Variants in GJB6 observed in about 807,000 individuals in gnomAD.
GJB6 encodes gap junction beta-6 protein.
A neutral mutation model predicts 5.4 loss-of-function variants in GJB6; 5 were observed. That is an observed-to-expected ratio of 0.92 (90% confidence interval 0.48 to 1.93). GJB6 has a LOEUF of 1.93. Ranked by LOEUF, GJB6 falls within the 30% of genes most tolerant of loss-of-function variation. The probability of loss-of-function intolerance (pLI) is 0.01; values close to 1 mark genes in which losing one functional copy is unlikely to be tolerated. For missense variants in GJB6, 298 were observed against 326.9 expected (o/e 0.91, Z 0.68); for synonymous variants, 136 against 129.6 (o/e 1.05, Z -0.34).
intron 4 of GJB6, 52 bp from the exon 5 acceptor site, chr13:20,223,547 A>G: frequency 7.1e-7 from 1 of 1,400,706 alleles, no homozygotes; most frequent in Non-Finnish European, 1.0e-6. Flanking sequence ...GCCTTGGGAA[A>G]GTGACACGGT....
chr13:20,227,205 C>T (rs921261085), intron 4 of GJB6, among the ~76,000 whole-genome samples: 1 of 152,030 alleles, frequency 6.6e-6, no homozygotes, highest in Non-Finnish European at 1.5e-5. Context: ...TTTTCTGGGT[C>T]CCCAAGCCAC....
In GJB6 at chr13:20,223,431, G is replaced by A; in HGVS notation, c.50C>T (p.Ser17Phe). 1.2e-6 allele frequency: 2 copies of A among 1,614,126 alleles called. No individual in the cohort carries two copies. Among genetic ancestry groups the A allele is most frequent in the South Asian group, 1.1e-5 (1 of 91,080 alleles). ...GATCCACACCTTCCCGATGCTGGTG[G>A]AGTGTTTGTTGACACCCCCGATGAA... ...HTFIGGVNKH[S>F]TSIGKVWITV... Residue 17 changes from serine (S) to phenylalanine (F), a missense_variant, in exon 5 of 5, where the codon TCC becomes TTC. Transcript: ENST00000647029.
At chr13:20,228,790 A>G (rs1869832052) in intron 4 of GJB6, among the ~76,000 whole-genome samples, 2 of 152,044 alleles carry the variant, frequency 1.3e-5, no homozygotes, top group African/African-American at 2.4e-5. Flanking sequence ...GGCCCATGCT[A>G]TATTCTTGAT....
chr13:20,224,705 T>C (rs1048890258), intron 4 of GJB6, among the ~76,000 whole-genome samples: 1 of 152,336 alleles, frequency 6.6e-6, no homozygotes, highest in African/African-American at 2.4e-5. Flanking sequence ...AGCATTCTCC[T>C]TTGAAAAATA....
intron 4 of GJB6, 41 bp from the exon 5 acceptor site, chr13:20,223,536 G>A (rs1438509997): frequency 4.0e-6 from 6 of 1,495,432 alleles, no homozygotes; most frequent in Admixed American, 1.7e-5. Flanking sequence ...TAGTGGAAGA[G>A]GCCTTGGGAA....
At chr13:20,231,852 G>C (rs768729571) in intron 1 of GJB6, among the ~76,000 whole-genome samples, 25 of 152,240 alleles carry the variant, frequency 1.6e-4, no homozygotes, top group Non-Finnish European at 3.1e-4. Flanking sequence ...GACCACGCTG[G>C]GGTAAAAGTC....
At chr13:20,229,314 A>ATT (rs1566542797) in intron 4 of GJB6, among the ~76,000 whole-genome samples, 3 of 87,336 alleles carry the variant, frequency 3.4e-5, no homozygotes, top group Non-Finnish European at 2.2e-5. Context: ...ATACCTGGTT[A>ATT]ATTTTTTTTT....
At chr13:20,230,331 AT>A (rs1357329970) in intron 3 of GJB6, among the ~76,000 whole-genome samples, 2 of 152,208 alleles carry the variant, frequency 1.3e-5, no homozygotes, top group African/African-American at 4.8e-5. Context: ...AACTCATGCA[AT>A]TACGTATGTT....
At chr13:20,229,792 T>TCCCCCCCCCC (rs56771888) in intron 3 of GJB6, 43 bp from the exon 4 acceptor site, 86 of 72,842 alleles carry the variant, frequency 1.2e-3, no homozygotes, top group South Asian at 2.4e-3. Flanking sequence ...TTCCTTTAAC[T>TCCCCCCCCCC]CCCCCCCCCC....
rs751130707 is a variant in GJB6, at chr13:20,222,991, G to A, written c.490C>T (p.Pro164Ser). The A allele has an allele frequency of 3.7e-6, 6 of 1,614,140 alleles. No individual in the cohort carries two copies. The highest frequency in any genetic ancestry group is 4.2e-6 in the Non-Finnish European group (5 of 1,179,988). The change falls in exon 5 of 5, where the codon CCC becomes TCC. Residue 164 changes from proline (P) to serine (S), a missense_variant. Physicochemically the swap from Pro to Ser is moderately conservative, Grantham distance 74 (BLOSUM62 -1). Transcript: ENST00000647029. ...TCAATCCCACATTTCAACACCCAGG[G>A]CAGGTGGTACCCATTGTAAAGGAAG... ...FYFLYNGYHL[P>S]WVLKCGIDPC...
chr13:20,226,886 T>A (rs1197784732), intron 4 of GJB6, among the ~76,000 whole-genome samples: 1 of 152,192 alleles, frequency 6.6e-6, no homozygotes, highest in Non-Finnish European at 1.5e-5. Context: ...CCCCAGCAGG[T>A]GAGACAGCTG....
intron 4 of GJB6, among the ~76,000 whole-genome samples, chr13:20,228,701 G>C (rs541309987): frequency 1.4e-5 from 2 of 146,206 alleles, no homozygotes; most frequent in Non-Finnish European, 3.0e-5. Flanking sequence ...AGCCAGGATG[G>C]TCTCGATCTC....
chr13:20,225,019 T>A (rs1263841987), intron 4 of GJB6, among the ~76,000 whole-genome samples: 1 of 152,228 alleles, frequency 6.6e-6, no homozygotes, highest in African/African-American at 2.4e-5. Flanking sequence ...CAGGAGTGCC[T>A]TGGCCTCAGA....
chr13:20,228,493 G>GC (rs1869760378), intron 4 of GJB6, among the ~76,000 whole-genome samples: 1 of 142,986 alleles, frequency 7.0e-6, no homozygotes, highest in Non-Finnish European at 1.5e-5. Context: ...TTTGTTTTTT[G>GC]TTTTTTTTGA....
chr13:20,223,120 T>C lies in GJB6; in HGVS notation c.361A>G (p.Ile121Val). 5 of 1,614,214 alleles carry C rather than the reference T, an allele frequency of 3.1e-6. No homozygotes were observed. The highest frequency in any genetic ancestry group is 3.4e-6 in the Non-Finnish European group (4 of 1,180,012). ...KRNDFKDIED[I>V]KKQKVRIEGS... The stretch of plus-strand genomic sequence containing the variant: ...TCTATCCGAACCTTCTGCTTTTTAA[T>C]GTCCTCTATGTCTTTGAAATCATTC... The change falls in exon 5 of 5, where the codon ATT (isoleucine) becomes GTT (valine). Residue 121 changes from isoleucine to valine, a missense_variant. Ile to Val is a conservative substitution (Grantham distance 29). Coordinates refer to ENST00000647029, the MANE Select transcript of GJB6 (RefSeq NM_001110219.3).
chr13:20,222,493 T>G lies in GJB6; in HGVS notation c.*202A>C. The G allele has an allele frequency of 1.7e-6, 1 of 592,602 alleles. No homozygotes were observed. Among genetic ancestry groups the G allele is most frequent in the Non-Finnish European group, 3.0e-6 (1 of 333,702 alleles). 36.7% of individuals were successfully genotyped at this position (592,602 alleles called of 1,614,324 possible). A position where few individuals can be genotyped will look rare whatever the true frequency, so the allele number is the denominator to read the frequency against. On this transcript the variant is annotated 3_prime_UTR_variant, in exon 5 of 5. Transcript: ENST00000647029. ...AATGCTCCTTTGTCAAGCAGTCTCTTGTTTTCAGAGATGGACCACATATTT... is the reference window on the plus strand; with the variant it reads ...AATGCTCCTTTGTCAAGCAGTCTCTGGTTTTCAGAGATGGACCACATATTT...
intron 4 of GJB6, among the ~76,000 whole-genome samples, chr13:20,228,651 A>AT (rs538127118): frequency 3.3e-4 from 50 of 150,482 alleles, no homozygotes; most frequent in Non-Finnish European, 4.1e-4. Context: ...AGCCCGGCTA[A>AT]TTTTTTGTAT....
chr13:20,232,070 G>A (rs1374518671), intron 1 of GJB6, 124 bp downstream of exon 1: 2 of 152,376 alleles, frequency 1.3e-5, no homozygotes, highest in Non-Finnish European at 2.9e-5. Flanking sequence ...CGACAGGGGC[G>A]AGGTGGGGAC....
chr13:20,227,221 C>G (rs1869649043), intron 4 of GJB6, among the ~76,000 whole-genome samples: 1 of 152,086 alleles, frequency 6.6e-6, no homozygotes, highest in Non-Finnish European at 1.5e-5. Context: ...GCCACACGGT[C>G]TGAGGGTGTT....
Sources: gnomAD v4.1 joint callset for allele counts (sites outside exome capture counted in the v4.1 genomes callset) on GRCh38, gnomAD v4.1.1 for gene constraint, MANE v1.5 for transcripts, NCBI Gene and HGNC (gene_info 2026-07-23, HGNC 2026-07-21) for gene names.